Variants in KLF7 observed in about 807,000 individuals in gnomAD.
KLF7 encodes the protein Krueppel-like factor 7.
A neutral mutation model predicts 27.3 loss-of-function variants in KLF7; 2 were observed. That is an observed-to-expected ratio of 0.07 (90% confidence interval 0.03 to 0.23). KLF7 has a LOEUF of 0.23. Ranked by LOEUF, KLF7 falls within the 10% of genes least tolerant of loss-of-function variation. KLF7 has a pLI of 1.00. For missense variants in KLF7, 221 were observed against 394.1 expected (o/e 0.56, Z 3.72); for synonymous variants, 165 against 162.4 (o/e 1.02, Z -0.12).
At chr2:207,160,776 C>A (rs1020358687) in intron 1 of KLF7, among the ~76,000 whole-genome samples, 2 of 152,174 alleles carry the variant, frequency 1.3e-5, no homozygotes, top group African/African-American at 4.8e-5. Context: ...GGCAAATTAG[C>A]CCCCACTGGC....
At chr2:207,144,301 G>A (rs2078035808) in intron 1 of KLF7, among the ~76,000 whole-genome samples, 1 of 152,136 alleles carries the variant, frequency 6.6e-6, no homozygotes, top group Admixed American at 6.5e-5. Context: ...AGTTTTAAAT[G>A]TGTCATACAA....
chr2:207,145,110 T>C (rs2078062069), intron 1 of KLF7, among the ~76,000 whole-genome samples: 1 of 152,336 alleles, frequency 6.6e-6, no homozygotes, highest in East Asian at 1.9e-4. Context: ...AAAAACGAAT[T>C]GCCACCACTG....
At chr2:207,083,157 T>C (rs2076313785) in intron 3 of KLF7, among the ~76,000 whole-genome samples, 1 of 152,206 alleles carries the variant, frequency 6.6e-6, no homozygotes, top group South Asian at 2.1e-4. Context: ...TCACTAAGTT[T>C]TCTTTAAAAA....
chr2:207,097,376 G>GT (rs1364658095), intron 2 of KLF7, among the ~76,000 whole-genome samples: 1 of 152,184 alleles, frequency 6.6e-6, no homozygotes, highest in Non-Finnish European at 1.5e-5. Flanking sequence ...TATTAACGGT[G>GT]TTTGTTATTA....
chr2:207,130,720 T>C (rs2077607566), intron 1 of KLF7, among the ~76,000 whole-genome samples: 2 of 152,242 alleles, frequency 1.3e-5, no homozygotes, highest in Admixed American at 1.3e-4. Context: ...TCAGTTTTTA[T>C]TTCTGTGTCT....
intron 2 of KLF7, 110 bp from the exon 3 acceptor site, chr2:207,088,691 T>C: frequency 3.4e-6 from 4 of 1,181,834 alleles, no homozygotes; most frequent in Non-Finnish European, 4.6e-6. Flanking sequence ...GTTTAACTCA[T>C]TCCTGAAAGA....
intron 1 of KLF7, among the ~76,000 whole-genome samples, chr2:207,136,888 C>A (rs1370683808): frequency 1.3e-5 from 2 of 152,136 alleles, no homozygotes; most frequent in Non-Finnish European, 2.9e-5. Flanking sequence ...CTCCTCAGTG[C>A]GAGTTTTTAC....
chr2:207,163,149 C>T (rs868626510), intron 1 of KLF7, among the ~76,000 whole-genome samples: 3 of 152,160 alleles, frequency 2.0e-5, no homozygotes, highest in Non-Finnish European at 4.4e-5. Context: ...TCCTAGTCGC[C>T]TTTATATAGA....
intron 2 of KLF7, among the ~76,000 whole-genome samples, chr2:207,094,297 A>G (rs1439334629): frequency 6.6e-6 from 1 of 152,168 alleles, no homozygotes; most frequent in Non-Finnish European, 1.5e-5. Flanking sequence ...TTCTAAAGAG[A>G]TTAGGATTTT....
chr2:207,169,651 T>A (rs2078772849), upstream of KLF7, among the ~76,000 whole-genome samples: 1 of 152,236 alleles, frequency 6.6e-6, no homozygotes, highest in Non-Finnish European at 1.5e-5. Flanking sequence ...GGAACAAGTC[T>A]TATCAGCACA....
In KLF7 at chr2:207,081,085, A is replaced by G. The variant is rs2076260217; in HGVS notation, c.*128T>C. 2 of 692,004 alleles carry G rather than the reference A, an allele frequency of 2.9e-6. No homozygotes were observed. The highest frequency in any genetic ancestry group is 1.9e-5 in the African/African-American group (1 of 53,370). The allele number at this position is 692,004 out of a possible 1,614,324, so 42.9% of individuals were successfully genotyped here. On this transcript the variant is annotated 3_prime_UTR_variant, in exon 4 of 4. Transcript: ENST00000309446. Reference sequence around the variant, plus strand: ...TATGTGTGTGTGTGTGTGTGTGTGTACAGAGGTTTATAAGTGAGAACTTTC... The same window carrying G: ...TATGTGTGTGTGTGTGTGTGTGTGTGCAGAGGTTTATAAGTGAGAACTTTC...
chr2:207,125,319 A>G (rs1279403604), intron 1 of KLF7, among the ~76,000 whole-genome samples: 1 of 152,212 alleles, frequency 6.6e-6, no homozygotes, highest in Non-Finnish European at 1.5e-5. Flanking sequence ...GCAAAAGTCG[A>G]TATTTAAGAA....
At chr2:207,088,690 A>G in intron 2 of KLF7, 109 bp from the exon 3 acceptor site, 11 of 1,210,228 alleles carry the variant, frequency 9.1e-6, no homozygotes, top group Non-Finnish European at 1.2e-5. Flanking sequence ...TGTTTAACTC[A>G]TTCCTGAAAG....
rs763116575 is a variant in KLF7, at chr2:207,077,746, G to A, written c.*3467C>T. ...TATAATTTCAGGTTTCCATGTCTAT[G>A]ACTTACAGTCATGTGGCAGGAGAAA... On this transcript the variant is annotated 3_prime_UTR_variant, in exon 4 of 4. Transcript: ENST00000309446. The A allele has an allele frequency of 6.6e-6, 1 of 151,872 alleles. No individual in the cohort carries two copies. The highest frequency in any genetic ancestry group is 6.6e-5 in the Admixed American group (1 of 15,248). 9.4% of individuals were successfully genotyped at this position (151,872 alleles called of 1,614,324 possible).
In KLF7 at chr2:207,153,611, T is replaced by C. The variant is rs186059605; in HGVS notation, c.102+11856A>G. ...AGAAAAATAACTTCCATTCCTGGTA[T>C]TGGCTATTAAGAATCTTTTTTTTTT... is the stretch of plus-strand genomic sequence containing the variant. On this transcript the variant is annotated intron_variant, in intron 1 of 3. Transcript: ENST00000309446. Among the ~76,000 whole-genome samples the C allele has an allele frequency of 2.7e-3, 373 of 140,388 alleles. 1 individual carries two copies. Among genetic ancestry groups the C allele is most frequent in the South Asian group, 7.7e-3 (31 of 4,016 alleles). The allele number at this position is 140,388 out of a possible 152,430, so 92.1% of individuals were successfully genotyped here.
chr2:207,159,975 A>T (rs979851381), intron 1 of KLF7, among the ~76,000 whole-genome samples: 2 of 152,166 alleles, frequency 1.3e-5, no homozygotes, highest in Non-Finnish European at 1.5e-5. Context: ...AAAATCACAA[A>T]CAATCTTAGG....
At position 207,080,938 on chromosome 2, in the gene KLF7, CT is replaced by C. The variant is rs1390133513; in HGVS notation, c.*274del. On this transcript the variant is annotated 3_prime_UTR_variant, in exon 4 of 4. Coordinates refer to ENST00000309446, the MANE Select transcript of KLF7 (RefSeq NM_003709.4). Reference sequence around the variant, plus strand: ...AGCCAGTCTGCCTTGCTGAGTTCACCTGGTTTCCTTCTTCATCTTCTTCCAT... The same window carrying C: ...AGCCAGTCTGCCTTGCTGAGTTCACCGGTTTCCTTCTTCATCTTCTTCCAT... 1 of 436,140 alleles carries C rather than the reference CT, an allele frequency of 2.3e-6. No individual in the cohort carries two copies. The highest frequency in any genetic ancestry group is 2.0e-5 in the African/African-American group (1 of 49,614). The allele number at this position is 436,140 out of a possible 1,614,324, so 27.0% of individuals were successfully genotyped here. A position where few individuals can be genotyped will look rare whatever the true frequency, so the allele number is the denominator to read the frequency against.
rs576341920 is a variant in KLF7, at chr2:207,093,930, T to C, written c.734-5349A>G. 1.1e-4 allele frequency among the ~76,000 whole-genome samples: 16 copies of C among 152,360 alleles called. No homozygotes were observed. The South Asian group carries it at 1.7e-3, about 16-fold the overall frequency. ...TTCCTTTACCATTAAATATCACTTC[T>C]ACTTCTTCCCTATCTTCCACAGCCT... On this transcript the variant is annotated intron_variant, in intron 2 of 3. Transcript: ENST00000309446.
At chr2:207,107,822 A>G (rs1559126088) in intron 2 of KLF7, among the ~76,000 whole-genome samples, 1 of 152,258 alleles carries the variant, frequency 6.6e-6, no homozygotes, top group East Asian at 1.9e-4. Context: ...AACCGTGTCA[A>G]AACGGACCCT....
Sources: gnomAD v4.1 joint callset for allele counts (sites outside exome capture counted in the v4.1 genomes callset) on GRCh38, gnomAD v4.1.1 for gene constraint, MANE v1.5 for transcripts, NCBI Gene and HGNC (gene_info 2026-07-23, HGNC 2026-07-21) for gene names.